L3MBTL4: variants seen among roughly 807,000 people sequenced by gnomAD.
L3MBTL4 encodes the protein L3MBTL histone methyl-lysine binding protein 4, also known as lethal(3)malignant brain tumor-like protein 4.
L3MBTL4 carries 70 observed loss-of-function variants against 84.5 expected under a neutral mutation model. The observed-to-expected ratio is 0.83, with a 90% CI of 0.68 to 1.01. The LOEUF is 1.01. L3MBTL4 is among the 50% of genes least tolerant of loss of function. The pLI is 0.00. For synonymous variants in L3MBTL4, 274 were observed against 259.8 expected (o/e 1.05, Z -0.52); for missense variants, 715 against 754.8 (o/e 0.95, Z 0.62).
At chr18:5,962,124 G>A (rs1349317140) in intron 17 of L3MBTL4, among the ~76,000 whole-genome samples, 1 of 152,120 alleles carries the variant, frequency 6.6e-6, no homozygotes, top group Non-Finnish European at 1.5e-5. Flanking sequence ...GAACAGGGAG[G>A]ACAGGAAAGC....
chr18:6,011,555 C>G (rs768758535), intron 16 of L3MBTL4, among the ~76,000 whole-genome samples: 2 of 152,170 alleles, frequency 1.3e-5, no homozygotes, highest in Non-Finnish European at 2.9e-5. Context: ...TTCCTGGAAA[C>G]TAAGGCTTTT....
chr18:6,318,488 C>A (rs1384498069), intron 1 of L3MBTL4, among the ~76,000 whole-genome samples: 3 of 4,784 alleles, frequency 6.3e-4, no homozygotes, highest in South Asian at 5.7e-3. Flanking sequence ...TTTCAAACAA[C>A]AATAGTAAAA....
intron 3 of L3MBTL4, among the ~76,000 whole-genome samples, chr18:6,304,217 T>A (rs900482074): frequency 6.6e-6 from 1 of 152,206 alleles, no homozygotes; most frequent in Non-Finnish European, 1.5e-5. Flanking sequence ...GTATAAAAGA[T>A]AATTTGTATA....
At chr18:6,138,408 A>T (rs143903875) in intron 13 of L3MBTL4, 112 bp from the exon 14 acceptor site, 20 of 628,570 alleles carry the variant, frequency 3.2e-5, no homozygotes, top group Admixed American at 2.7e-4. Flanking sequence ...ACAAACCATC[A>T]CCAAAAACCA....
At chr18:6,078,910 G>A (rs2057969475) in intron 16 of L3MBTL4, among the ~76,000 whole-genome samples, 1 of 152,162 alleles carries the variant, frequency 6.6e-6, no homozygotes, top group Admixed American at 6.5e-5. Context: ...CAGATCGTCA[G>A]GTATTAGATT....
chr18:6,315,200 AT>A (rs147008192), intron 1 of L3MBTL4, among the ~76,000 whole-genome samples: 7,408 of 152,262 alleles, frequency 0.049, 204 homozygotes, highest in East Asian at 0.1. Flanking sequence ...TCTTAAATGA[AT>A]TTATCACCAA....
At chr18:6,388,648 C>T (rs2054920708) in intron 1 of L3MBTL4, among the ~76,000 whole-genome samples, 1 of 152,208 alleles carries the variant, frequency 6.6e-6, no homozygotes, top group Non-Finnish European at 1.5e-5. Flanking sequence ...ATACAATTAT[C>T]TGGCTAAGCA....
chr18:6,136,926 C>A (rs1471692357), intron 14 of L3MBTL4, among the ~76,000 whole-genome samples: 1 of 152,194 alleles, frequency 6.6e-6, no homozygotes, highest in South Asian at 2.1e-4. Flanking sequence ...TATAAAAACC[C>A]CAAGGCAAGG....
chr18:6,279,484 T>C (rs1240309032), intron 4 of L3MBTL4, among the ~76,000 whole-genome samples: 2 of 152,170 alleles, frequency 1.3e-5, no homozygotes, highest in East Asian at 1.9e-4. Context: ...ACAGAATTCC[T>C]GAATGGGCCC....
chr18:6,386,923 G>C (rs181507822), intron 1 of L3MBTL4, among the ~76,000 whole-genome samples: 43 of 152,278 alleles, frequency 2.8e-4, no homozygotes, highest in African/African-American at 1.0e-3. Flanking sequence ...GGAAGGCAAG[G>C]GTGGAAACAG....
chr18:5,992,603 T>A (rs2053755010), intron 16 of L3MBTL4, among the ~76,000 whole-genome samples: 1 of 152,216 alleles, frequency 6.6e-6, no homozygotes, highest in Non-Finnish European at 1.5e-5. Context: ...GTCTGAATTA[T>A]GGAGGAAGAT....
chr18:6,078,321 A>G (rs1352500110), intron 16 of L3MBTL4, among the ~76,000 whole-genome samples: 3 of 145,024 alleles, frequency 2.1e-5, no homozygotes, highest in Non-Finnish European at 4.5e-5. Context: ...CAGTTACTTG[A>G]GAGGCTGAGA....
chr18:6,267,305 C>T lies in L3MBTL4; in HGVS notation c.128-3267G>A, dbSNP rs141963408. ...AAAGCATTTTAATCATCAAATAAGA[C>T]ACCAGAATTGTCATCGATGGATTTT... is the stretch of plus-strand genomic sequence containing the variant. On this transcript the variant is annotated intron_variant, in intron 4 of 18. Coordinates refer to ENST00000317931, the MANE Select transcript of L3MBTL4 (RefSeq NM_001330559.2). Among the ~76,000 whole-genome samples the T allele has an allele frequency of 2.6e-5, 4 of 152,260 alleles. No homozygotes were observed. In the East Asian group the frequency reaches 7.7e-4, roughly 29 times the overall value.
chr18:6,373,741 A>G (rs76545749), intron 1 of L3MBTL4, among the ~76,000 whole-genome samples: 2,618 of 152,162 alleles, frequency 0.017, 80 homozygotes, highest in African/African-American at 0.059. Flanking sequence ...TTGCTTTACA[A>G]ACTCCATCAG....
At chr18:6,162,907 G>A (rs369778112) in intron 13 of L3MBTL4, among the ~76,000 whole-genome samples, 2 of 152,298 alleles carry the variant, frequency 1.3e-5, no homozygotes, top group South Asian at 4.1e-4. Flanking sequence ...GGTTTTGAGA[G>A]GAAAATGGTG....
chr18:5,985,666 G>A (rs566363548), intron 16 of L3MBTL4, among the ~76,000 whole-genome samples: 1 of 152,264 alleles, frequency 6.6e-6, no homozygotes, highest in East Asian at 1.9e-4. Flanking sequence ...GCAAAAAATG[G>A]TCTGGAGATG....
At chr18:6,147,150 T>C (rs899920282) in intron 13 of L3MBTL4, among the ~76,000 whole-genome samples, 1 of 152,180 alleles carries the variant, frequency 6.6e-6, no homozygotes, top group Non-Finnish European at 1.5e-5. Flanking sequence ...GGACTGGAAA[T>C]GTTTAGGTTA....
chr18:5,985,294 T>C (rs1327946600), intron 16 of L3MBTL4, among the ~76,000 whole-genome samples: 4 of 152,194 alleles, frequency 2.6e-5, no homozygotes, highest in African/African-American at 9.7e-5. Context: ...TGAATAGCCC[T>C]GGAGGTAACA....
intron 14 of L3MBTL4, among the ~76,000 whole-genome samples, chr18:6,128,061 G>A (rs897057988): frequency 6.6e-6 from 1 of 150,674 alleles, no homozygotes; most frequent in East Asian, 1.9e-4. Flanking sequence ...AATGCAGGGA[G>A]CAGAAAAAAC....
Sources: gnomAD v4.1 joint callset for allele counts (sites outside exome capture counted in the v4.1 genomes callset) on GRCh38, gnomAD v4.1.1 for gene constraint, MANE v1.5 for transcripts, NCBI Gene and HGNC (gene_info 2026-07-23, HGNC 2026-07-21) for gene names.